The following MEGF11 variants were observed in gnomAD, a reference collection of about 807,000 sequenced individuals.
MEGF11 encodes the protein multiple epidermal growth factor-like domains protein 11.
In MEGF11, 126 loss-of-function variants were observed where a neutral mutation model predicts 146.6. That is an observed-to-expected ratio of 0.86 (90% CI 0.74 to 1.00). MEGF11 has a LOEUF of 1.00. Among genes scored for constraint, MEGF11 ranks in the 50% least tolerant of loss-of-function variants. MEGF11 has a pLI of 0.00. For synonymous variants in MEGF11, 532 were observed against 583.4 expected (o/e 0.91, Z 1.27); for missense variants, 1,509 against 1,521.2 (o/e 0.99, Z 0.13).
chr15:66,179,813 A>AC (rs1291755143), intron 1 of MEGF11, among the ~76,000 whole-genome samples: 11 of 64,538 alleles, frequency 1.7e-4, no homozygotes, highest in Admixed American at 4.8e-4. Context: ...CCCTGCCACC[A>AC]CCCCCCCACC....
At chr15:66,028,746 A>G (rs2083421069) in intron 5 of MEGF11, among the ~76,000 whole-genome samples, 3 of 152,220 alleles carry the variant, frequency 2.0e-5, no homozygotes, top group Admixed American at 2.0e-4. Context: ...TGTTATGTGG[A>G]AAAAATGCTT....
In MEGF11 at chr15:66,021,355, A is replaced by G. The variant is rs147817087; in HGVS notation, c.395-38867T>C. On this transcript the variant is annotated intron_variant, in intron 5 of 25. Coordinates refer to ENST00000395614, the MANE Select transcript of MEGF11 (RefSeq NM_001385028.1). The stretch of plus-strand genomic sequence containing the variant: ...GGTTGGACAATGTGAATTCAAACCC[A>G]GCCCTAGTATCTTTTATATGTATGA... Among the ~76,000 whole-genome samples the G allele has an allele frequency of 1.4e-3, 218 of 152,390 alleles. 1 individual carries two copies. The highest frequency in any genetic ancestry group is 4.8e-3 in the African/African-American group (200 of 41,598).
rs542188713 is a variant in MEGF11 at position 66,026,264 on chromosome 15, A to G, written c.395-43776T>C. Among the ~76,000 whole-genome samples, 82 of 152,366 alleles carry G rather than the reference A, an allele frequency of 5.4e-4. 3 individuals carry two copies. The highest frequency in any genetic ancestry group is 9.8e-4 in the Admixed American group (15 of 15,310). ...AAATTCTGATTCAGGAGGTGTGGCG[A>G]GGAGCCTGAGATTCTGTGTTGCTAA... On this transcript the variant is annotated intron_variant, in intron 5 of 25. Transcript: ENST00000395614.
chr15:66,144,701 T>C (rs932942867), intron 1 of MEGF11, among the ~76,000 whole-genome samples: 19 of 152,136 alleles, frequency 1.2e-4, no homozygotes, highest in Admixed American at 1.3e-4. Context: ...CTGGTACAAG[T>C]GCCCTGGGCA....
chr15:66,076,001 C>CT (rs144078416), intron 5 of MEGF11, among the ~76,000 whole-genome samples: 21,553 of 152,156 alleles, frequency 0.14, 1,895 homozygotes, highest in African/African-American at 0.22. Flanking sequence ...TGCCCGGAAC[C>CT]TAGCACAGTG....
intron 1 of MEGF11, among the ~76,000 whole-genome samples, chr15:66,238,481 C>A (rs1052111088): frequency 6.6e-6 from 1 of 152,192 alleles, no homozygotes; most frequent in African/African-American, 2.4e-5. Context: ...TGAAGGCCAC[C>A]AAAATCCCTG....
At chr15:66,171,096 C>G (rs1173500239) in intron 1 of MEGF11, among the ~76,000 whole-genome samples, 1 of 152,254 alleles carries the variant, frequency 6.6e-6, no homozygotes, top group African/African-American at 2.4e-5. Flanking sequence ...GTCTCAAGCT[C>G]TGCTTGAAGA....
chr15:66,051,178 T>C (rs549394339), intron 5 of MEGF11, among the ~76,000 whole-genome samples: 3 of 152,286 alleles, frequency 2.0e-5, no homozygotes, highest in African/African-American at 7.2e-5. Flanking sequence ...TATTTTATTA[T>C]TGTTAGTATT....
At position 66,016,121 on chromosome 15, in the gene MEGF11, TA is replaced by T. The variant is rs543904294; in HGVS notation, c.395-33634del. On this transcript the variant is annotated intron_variant, in intron 5 of 25. Coordinates refer to ENST00000395614, the MANE Select transcript of MEGF11 (RefSeq NM_001385028.1). ...ATCTTTTCCTTCTATTTAACTAATT[TA>T]AAAAAAACCCACTCGGCTTCAGTAA... Among the ~76,000 whole-genome samples, 8 of 151,988 alleles carry T rather than the reference TA, an allele frequency of 5.3e-5. No individual in the cohort carries two copies. The East Asian group carries it at 1.2e-3, about 22-fold the overall frequency.
At chr15:66,162,039 T>G (rs2089967257) in intron 1 of MEGF11, among the ~76,000 whole-genome samples, 1 of 152,182 alleles carries the variant, frequency 6.6e-6, no homozygotes, top group African/African-American at 2.4e-5. Context: ...TCTGAGATGA[T>G]TTGAGGCCCA....
At position 66,179,282 on chromosome 15, in the gene MEGF11, G is replaced by A. The variant is rs147562932; in HGVS notation, c.-8-50871C>T. ...TGAGCAGCTGGGACTACTGGTACAC[G>A]CCCCCACACCCAGCTAATTTTTGTA... is the stretch of plus-strand genomic sequence containing the variant. On this transcript the variant is annotated intron_variant, in intron 1 of 25. Transcript: ENST00000395614. Among the ~76,000 whole-genome samples the A allele has an allele frequency of 6.6e-5, 10 of 152,188 alleles. No individual in the cohort carries two copies. In the East Asian group the frequency reaches 7.7e-4, roughly 12 times the overall value.
At chr15:66,083,471 A>G (rs1255821105) in intron 5 of MEGF11, among the ~76,000 whole-genome samples, 3 of 152,234 alleles carry the variant, frequency 2.0e-5, no homozygotes, top group Non-Finnish European at 4.4e-5. Flanking sequence ...TTTATAAAAA[A>G]TTCACTCAAA....
At chr15:66,152,180 G>C (rs1386617943) in intron 1 of MEGF11, among the ~76,000 whole-genome samples, 3 of 152,162 alleles carry the variant, frequency 2.0e-5, no homozygotes, top group Non-Finnish European at 2.9e-5. Flanking sequence ...TGTCACCAGG[G>C]ATGGAGAGGT....
chr15:66,143,347 C>T (rs1225550634), intron 1 of MEGF11, among the ~76,000 whole-genome samples: 1 of 152,160 alleles, frequency 6.6e-6, no homozygotes, highest in South Asian at 2.1e-4. Flanking sequence ...TAGGCCAGGC[C>T]GAGGCAGCCT....
chr15:65,954,140 C>G (rs2080497080), intron 10 of MEGF11, among the ~76,000 whole-genome samples: 1 of 152,166 alleles, frequency 6.6e-6, no homozygotes, highest in Non-Finnish European at 1.5e-5. Context: ...ATTACTGAGC[C>G]TAGAATGAAG....
intron 4 of MEGF11, among the ~76,000 whole-genome samples, chr15:66,101,342 T>G (rs940570495): frequency 6.6e-5 from 10 of 152,140 alleles, no homozygotes; most frequent in African/African-American, 2.4e-4. Flanking sequence ...CTCCCCACAC[T>G]GGGCCTTCAA....
intron 1 of MEGF11, among the ~76,000 whole-genome samples, chr15:66,149,173 C>T (rs748856335): frequency 1.3e-5 from 2 of 152,196 alleles, no homozygotes; most frequent in African/African-American, 4.8e-5. Context: ...GGCCCAGGCG[C>T]CCTGGAGATC....
chr15:65,924,384 G>A (rs1485169872), intron 13 of MEGF11, among the ~76,000 whole-genome samples: 4 of 95,248 alleles, frequency 4.2e-5, no homozygotes, highest in Non-Finnish European at 8.7e-5. Flanking sequence ...GGGGGGGGGG[G>A]CAAGTGGTTT....
chr15:66,253,068 A>G (rs935161888), intron 1 of MEGF11, among the ~76,000 whole-genome samples: 2 of 152,222 alleles, frequency 1.3e-5, no homozygotes, highest in Non-Finnish European at 2.9e-5. Flanking sequence ...CGTGCATGGC[A>G]CTTGCTGGGG....
Sources: allele counts gnomAD v4.1 joint callset (sites outside exome capture counted in the v4.1 genomes callset), GRCh38; gene constraint gnomAD v4.1.1; transcripts MANE v1.5; gene names NCBI Gene and HGNC (gene_info 2026-07-23, HGNC 2026-07-21).